Variants in PGK1 observed in about 807,000 individuals in gnomAD.
PGK1 encodes the protein phosphoglycerate kinase 1.
PGK1 carries 3 observed loss-of-function variants against 26.9 expected under a neutral mutation model. That is an observed-to-expected ratio of 0.11 (90% confidence interval 0.05 to 0.29). The LOEUF is 0.29. Ranked by LOEUF, PGK1 falls within the 10% of genes least tolerant of loss-of-function variation. The probability of loss-of-function intolerance (pLI) is 1.00; values close to 1 mark genes in which losing one functional copy is unlikely to be tolerated. For synonymous variants in PGK1, 125 were observed against 115.3 expected, an observed-to-expected ratio of 1.08 and a Z score of -0.54; for missense variants, 270 against 314.7, an observed-to-expected ratio of 0.86 and a Z score of 1.07.
At chrX:78,119,954 GTTCTTGGAAAAAGGTATCTA>G (rs1557247835) in intron 6 of PGK1, among the ~76,000 whole-genome samples, 1 of 111,718 alleles carries the variant, frequency 9.0e-6, no homozygotes, top group African/African-American at 3.3e-5. Context: ...GTTGTGTCTT[GTTCTTGGAAAAAGGTATCTA>G]TTCCTGGGCT....
At chrX:78,106,351 C>T (rs1190505831) in intron 1 of PGK1, 16 of 712,483 alleles carry the variant, frequency 2.2e-5, no homozygotes, top group Non-Finnish European at 2.5e-5. Flanking sequence ...TGAAATAGAA[C>T]TTTCTCCCGT....
intron 10 of PGK1, 102 bp from the exon 11 acceptor site, chrX:78,125,688 A>G: frequency 1.3e-6 from 1 of 774,573 alleles, no homozygotes; most frequent in South Asian, 2.1e-5. Context: ...CATATATCCT[A>G]AAAAAGAGCT....
chrX:78,112,122 G>T, intron 2 of PGK1, among the ~76,000 whole-genome samples: 1 of 111,478 alleles, frequency 9.0e-6, no homozygotes, highest in Non-Finnish European at 1.9e-5. Context: ...CTCTACCATT[G>T]TTCCCCGGTC....
chrX:78,113,665 T>C, intron 2 of PGK1, 79 bp from the exon 3 acceptor site: 1 of 896,999 alleles, frequency 1.1e-6, no homozygotes, highest in Non-Finnish European at 1.6e-6. Context: ...CTTTATGCTT[T>C]ATGAGGTTAT....
intron 1 of PGK1, chrX:78,106,253 G>A (rs1268844524): frequency 5.5e-6 from 1 of 182,363 alleles, no homozygotes; most frequent in Non-Finnish European, 8.5e-6. Context: ...GAACTACCAA[G>A]TTGGTGGCAG....
chrX:78,118,598 A>AAATG (rs2078337868), intron 6 of PGK1, among the ~76,000 whole-genome samples: 1 of 110,588 alleles, frequency 9.0e-6, no homozygotes, highest in Non-Finnish European at 1.9e-5. Flanking sequence ...ATAAATAAAT[A>AAATG]AATAAACAAA....
At position 78,127,301 on chromosome X, in the gene PGK1, C is replaced by T. The variant is rs1161764578; in HGVS notation, c.*1471C>T. 1 of 112,470 alleles carries T rather than the reference C, an allele frequency of 8.9e-6. No individual in the cohort carries two copies. The highest frequency in any genetic ancestry group is 1.9e-5 in the Non-Finnish European group (1 of 53,320). 9.3% of individuals were successfully genotyped at this position (112,470 alleles called of 1,213,427 possible). A position where few individuals can be genotyped will look rare whatever the true frequency, so the allele number is the denominator to read the frequency against. On this transcript the variant is annotated 3_prime_UTR_variant, in exon 11 of 11. Transcript: ENST00000373316. ...AGCCTGAGTATCACTTTTTGAGACTCGAAGCCACTGTTTCATTGTCACTAT... is the reference window on the plus strand; with the variant it reads ...AGCCTGAGTATCACTTTTTGAGACTTGAAGCCACTGTTTCATTGTCACTAT...
chrX:78,116,652 C>T (rs1367794532), intron 4 of PGK1, among the ~76,000 whole-genome samples: 2 of 112,578 alleles, frequency 1.8e-5, no homozygotes, highest in Non-Finnish European at 3.8e-5. Context: ...TTGGGGTATG[C>T]CTTGATGGCA....
At position 78,109,339 on chromosome X, in the gene PGK1, G is replaced by A. The variant is rs2078288248; in HGVS notation, c.66-528G>A. On this transcript the variant is annotated intron_variant, in intron 1 of 10. Transcript: ENST00000373316. The stretch of plus-strand genomic sequence containing the variant: ...TTATTTTTATTTTAATTTTTTTCTC[G>A]AGTCATGTTAGTTTCACGAGGACCC... 2.7e-5 allele frequency among the ~76,000 whole-genome samples: 3 copies of A among 110,135 alleles called. No individual in the cohort carries two copies. The South Asian group carries it at 1.2e-3, about 42-fold the overall frequency.
intron 6 of PGK1, 107 bp from the exon 7 acceptor site, chrX:78,122,728 T>G: frequency 5.6e-6 from 3 of 537,633 alleles, no homozygotes; most frequent in Non-Finnish European, 6.6e-6. Flanking sequence ...TTTGTCACTT[T>G]GAGACTTTCT....
At chrX:78,118,419 C>CA (rs1463321344) in intron 6 of PGK1, among the ~76,000 whole-genome samples, 10 of 107,863 alleles carry the variant, frequency 9.3e-5, no homozygotes, top group Non-Finnish European at 1.9e-4. Context: ...CTCATGTCTA[C>CA]AAAAAAAAAT....
At chrX:78,105,523 G>T (rs1416149412) in intron 1 of PGK1, among the ~76,000 whole-genome samples, 1 of 111,580 alleles carries the variant, frequency 9.0e-6, no homozygotes, top group African/African-American at 3.3e-5. Flanking sequence ...AATTTGGGCT[G>T]GTTCAAATGA....
chrX:78,128,629 T>C lies in PGK1; in HGVS notation c.*2799T>C, dbSNP rs2078393616. 1 of 112,614 alleles carries C rather than the reference T, an allele frequency of 8.9e-6. No individual in the cohort carries two copies. Among genetic ancestry groups the C allele is most frequent in the African/African-American group, 3.2e-5 (1 of 31,012 alleles). 9.3% of individuals were successfully genotyped at this position (112,614 alleles called of 1,213,427 possible). ...ATTGGTAAAATATTGCAAAGGTGTA[T>C]GCTTTAAGTTGTAAATTCACCTTTA... On this transcript the variant is annotated 3_prime_UTR_variant, in exon 11 of 11. Coordinates refer to ENST00000373316, the MANE Select transcript of PGK1 (RefSeq NM_000291.4).
intron 1 of PGK1, among the ~76,000 whole-genome samples, chrX:78,108,358 CTCT>C (rs782815122): frequency 2.0e-4 from 23 of 112,327 alleles, no homozygotes; most frequent in African/African-American, 7.1e-4. Flanking sequence ...GGGATATTCT[CTCT>C]TCTTTGGAAT....
In PGK1 at chrX:78,113,785, A is replaced by G. The variant is rs1557247111; in HGVS notation, c.158A>G (p.Asn53Ser). 3.3e-6 allele frequency: 4 copies of G among 1,209,215 alleles called. No individual in the cohort carries two copies. The highest frequency in any genetic ancestry group is 3.0e-5 in the East Asian group (1 of 33,838). ...AVPSIKFCLD[N>S]GAKSVVLMSH... ...CCAAGCATCAAATTCTGCTTGGACA[A>G]TGGAGCCAAGTCGGTAGTCCTTATG... The change falls in exon 3 of 11, where the codon AAT becomes AGT. Residue 53 changes from asparagine (N) to serine (S), a missense_variant. Physicochemically the swap from Asn to Ser is conservative, Grantham distance 46 (BLOSUM62 1). Transcript: ENST00000373316.
intron 2 of PGK1, among the ~76,000 whole-genome samples, chrX:78,110,513 C>T (rs782097316): frequency 9.1e-6 from 1 of 109,331 alleles, no homozygotes; most frequent in South Asian, 4.0e-4. Context: ...TGGCTCACAT[C>T]TGTAATCCCA....
Position 78,128,165 on chromosome X carries a change from A to G in PGK1, c.*2335A>G. 1 of 113,183 alleles carries G rather than the reference A, an allele frequency of 8.8e-6. No individual in the cohort carries two copies. The highest frequency in any genetic ancestry group is 2.7e-4 in the East Asian group (1 of 3,638). 9.3% of individuals were successfully genotyped at this position (113,183 alleles called of 1,213,427 possible). A position where few individuals can be genotyped will look rare whatever the true frequency, so the allele number is the denominator to read the frequency against. Reference sequence around the variant, plus strand: ...CCTTCTATGTGCTTAAAGACGTGATAGAGGGAATATAAGAGCATTTATGTT... The same window carrying G: ...CCTTCTATGTGCTTAAAGACGTGATGGAGGGAATATAAGAGCATTTATGTT... On this transcript the variant is annotated 3_prime_UTR_variant, in exon 11 of 11. Transcript: ENST00000373316.
At chrX:78,117,441 C>T (rs369149989) in intron 5 of PGK1, 26 bp downstream of exon 5, 4 of 937,949 alleles carry the variant, frequency 4.3e-6, no homozygotes, top group Non-Finnish European at 6.2e-6. Context: ...TAGACTACCA[C>T]ACTGAGAACA....
chrX:78,106,237 G>A (rs2078272116), intron 1 of PGK1: 1 of 140,173 alleles, frequency 7.1e-6, no homozygotes, highest in Non-Finnish European at 1.3e-5. Flanking sequence ...CCTGTTCAGG[G>A]TTACTGAACT....
Sources: allele counts gnomAD v4.1 joint callset (sites outside exome capture counted in the v4.1 genomes callset), GRCh38; gene constraint gnomAD v4.1.1; transcripts MANE v1.5; gene names NCBI Gene and HGNC (gene_info 2026-07-23, HGNC 2026-07-21).